Variants in GLRA2 observed in about 807,000 individuals in gnomAD.
GLRA2 encodes glycine receptor subunit alpha-2.
A neutral mutation model predicts 31.6 loss-of-function variants in GLRA2; 11 were observed. The observed-to-expected ratio is 0.35, with a 90% CI of 0.22 to 0.58. The LOEUF is 0.58. Among genes scored for constraint, GLRA2 ranks in the 20% least tolerant of loss-of-function variants. GLRA2 has a pLI of 0.84. For synonymous variants in GLRA2, 132 were observed against 134.0 expected (o/e 0.99, Z 0.10); for missense variants, 212 against 351.8 (o/e 0.60, Z 3.18).
At chrX:14,701,678 C>T (rs1241914198) in intron 8 of GLRA2, among the ~76,000 whole-genome samples, 2 of 112,382 alleles carry the variant, frequency 1.8e-5, no homozygotes, top group African/African-American at 6.5e-5. Flanking sequence ...TGGCAGTTAG[C>T]CCACTTATTT....
intron 7 of GLRA2, among the ~76,000 whole-genome samples, chrX:14,668,368 A>G (rs1462618217): frequency 1.8e-5 from 2 of 112,176 alleles, no homozygotes; most frequent in Non-Finnish European, 3.8e-5. Flanking sequence ...AGTCAAGGGG[A>G]GCAGATTATC....
the GLRA2 span, among the ~76,000 whole-genome samples, chrX:14,474,615 G>T: frequency 2.1e-4 from 23 of 110,446 alleles, 1 homozygote; most frequent in East Asian, 5.4e-3. Flanking sequence ...CAGTCAGCTG[G>T]TGGGTGGGCT....
intron 7 of GLRA2, among the ~76,000 whole-genome samples, chrX:14,684,924 C>G (rs774365669): frequency 3.6e-5 from 4 of 110,721 alleles, no homozygotes; most frequent in African/African-American, 1.3e-4. Context: ...CCAGTTTTTG[C>G]CCATTCAGTA....
chrX:14,474,725 GCTGGGATGGCTGGGATGA>G, the GLRA2 span, among the ~76,000 whole-genome samples: 6 of 53,282 alleles, frequency 1.1e-4, no homozygotes, highest in East Asian at 3.7e-4. Flanking sequence ...GGCTGGGATG[GCTGGGATGGCTGGGATGA>G]CTGGGGCCTC....
chrX:14,703,949 G>C (rs1259362096), intron 8 of GLRA2, among the ~76,000 whole-genome samples: 1 of 111,628 alleles, frequency 9.0e-6, no homozygotes, highest in Non-Finnish European at 1.9e-5. Context: ...TAAACCTCTT[G>C]CATGCAATCC....
intron 8 of GLRA2, among the ~76,000 whole-genome samples, chrX:14,693,194 A>C (rs1470489432): frequency 1.8e-5 from 2 of 111,954 alleles, no homozygotes; most frequent in African/African-American, 6.5e-5. Context: ...TTTCAGATGA[A>C]ATTTAAAAAT....
Position 14,575,731 on chromosome X carries a change from C to A in GLRA2, c.270+1331C>A, listed in dbSNP as rs577563817. Among the ~76,000 whole-genome samples, 36 of 111,339 alleles carry A rather than the reference C, an allele frequency of 3.2e-4. No homozygotes were observed. The South Asian group carries it at 0.013, about 40-fold the overall frequency. The stretch of plus-strand genomic sequence containing the variant: ...CTGCCTCAGCCTCCCAAAGCACCAG[C>A]ATTAAAGGCATTAACTACTACACCC... On this transcript the variant is annotated intron_variant, in intron 3 of 8. Coordinates refer to ENST00000218075, the MANE Select transcript of GLRA2 (RefSeq NM_002063.4).
At chrX:14,523,624 C>T in the GLRA2 span, among the ~76,000 whole-genome samples, 1 of 111,326 alleles carries the variant, frequency 9.0e-6, no homozygotes, top group Non-Finnish European at 1.9e-5. Flanking sequence ...ACTTGAAGGC[C>T]ATTGTAGGGT....
intron 8 of GLRA2, among the ~76,000 whole-genome samples, chrX:14,706,942 T>G (rs2091631689): frequency 8.9e-6 from 1 of 112,230 alleles, no homozygotes; most frequent in Non-Finnish European, 1.9e-5. Context: ...AATTCCTGAC[T>G]GCCAGACCTG....
chrX:14,640,767 C>G (rs2090764108), intron 7 of GLRA2, among the ~76,000 whole-genome samples: 1 of 111,075 alleles, frequency 9.0e-6, no homozygotes, highest in Non-Finnish European at 1.9e-5. Flanking sequence ...TGTCCGTTCT[C>G]CTGTTGGTGG....
At chrX:14,466,574 C>T in the GLRA2 span, among the ~76,000 whole-genome samples, 2 of 99,905 alleles carry the variant, frequency 2.0e-5, no homozygotes, top group Admixed American at 1.0e-4. Flanking sequence ...ATATTGATCC[C>T]TTTACCTCAC....
At chrX:14,564,964 TAA>T (rs2089784017) in intron 2 of GLRA2, among the ~76,000 whole-genome samples, 1 of 109,342 alleles carries the variant, frequency 9.1e-6, no homozygotes, top group Admixed American at 9.7e-5. Context: ...CAACTAAACA[TAA>T]AAGAGGTCAT....
Position 14,532,146 on chromosome X carries a change from C to A in GLRA2, c.69-93C>A, listed in dbSNP as rs902464217. On this transcript the variant is annotated intron_variant, in intron 1 of 8. Transcript: ENST00000218075. The stretch of plus-strand genomic sequence containing the variant: ...TTCTTCATACTAACATATCAAATAT[C>A]TTTACCAAAATGTAAAGTTAAAAAT... The A allele has an allele frequency of 3.5e-5, 22 of 630,806 alleles. No homozygotes were observed. In the African/African-American group the frequency reaches 4.1e-4, roughly 12 times the overall value. 52.0% of individuals were successfully genotyped at this position (630,806 alleles called of 1,213,427 possible).
chrX:14,687,909 G>T (rs2091297668), intron 7 of GLRA2, among the ~76,000 whole-genome samples: 1 of 112,159 alleles, frequency 8.9e-6, no homozygotes, highest in Non-Finnish European at 1.9e-5. Flanking sequence ...TTTCTGCTCT[G>T]TTTTTTCACC....
At chrX:14,471,071 C>A in the GLRA2 span, among the ~76,000 whole-genome samples, 321 of 111,513 alleles carry the variant, frequency 2.9e-3, no homozygotes, top group Non-Finnish European at 4.6e-3. Context: ...AGCTGAGACC[C>A]CCCCAAATGG....
the GLRA2 span, among the ~76,000 whole-genome samples, chrX:14,498,645 AAACATAT>A: frequency 2.7e-5 from 3 of 111,274 alleles, no homozygotes; most frequent in Admixed American, 9.6e-5. Flanking sequence ...GTTATTTTTG[AAACATAT>A]AATAGATTAT....
intron 7 of GLRA2, among the ~76,000 whole-genome samples, chrX:14,614,236 C>T (rs1037682423): frequency 3.6e-5 from 4 of 111,131 alleles, no homozygotes; most frequent in African/African-American, 9.8e-5. Flanking sequence ...CTCATGTGAC[C>T]GAAGCTGTGG....
At chrX:14,706,254 A>G (rs1443342317) in intron 8 of GLRA2, among the ~76,000 whole-genome samples, 2 of 111,458 alleles carry the variant, frequency 1.8e-5, no homozygotes, top group African/African-American at 6.5e-5. Context: ...CCTACCCCAG[A>G]CGTGTGGAAT....
chrX:14,572,510 T>C (rs187299838), intron 2 of GLRA2, among the ~76,000 whole-genome samples: 3 of 112,033 alleles, frequency 2.7e-5, no homozygotes, highest in African/African-American at 9.7e-5. Context: ...AAATCTTTGT[T>C]ACAAAATAGA....
Sources: gnomAD v4.1 joint callset for allele counts (sites outside exome capture counted in the v4.1 genomes callset) on GRCh38, gnomAD v4.1.1 for gene constraint, MANE v1.5 for transcripts, NCBI Gene and HGNC (gene_info 2026-07-23, HGNC 2026-07-21) for gene names.